CPSF3: variants seen among roughly 807,000 people sequenced by gnomAD.
CPSF3 encodes cleavage and polyadenylation specificity factor subunit 3.
CPSF3 carries 57 observed loss-of-function variants against 84.1 expected under a neutral mutation model. That is an observed-to-expected ratio of 0.68 (90% CI 0.55 to 0.85). The LOEUF (loss-of-function observed/expected upper bound fraction) is 0.85, where lower values mean the gene tolerates loss of function less well. Ranked by LOEUF, CPSF3 falls within the 40% of genes least tolerant of loss-of-function variation. The pLI is 0.00. For missense variants in CPSF3, 522 were observed against 838.8 expected, an observed-to-expected ratio of 0.62 and a Z score of 4.66; for synonymous variants, 275 against 278.1, an observed-to-expected ratio of 0.99 and a Z score of 0.11.
At chr2:9,449,744 A>G (rs1333461241) in intron 11 of CPSF3, among the ~76,000 whole-genome samples, 3 of 152,158 alleles carry the variant, frequency 2.0e-5, no homozygotes, top group Non-Finnish European at 4.4e-5. Context: ...CTTGTCTCAA[A>G]AAAATAAAAA....
chr2:9,466,651 G>A (rs1261548264), intron 15 of CPSF3, among the ~76,000 whole-genome samples: 5 of 152,134 alleles, frequency 3.3e-5, no homozygotes, highest in Non-Finnish European at 7.4e-5. Flanking sequence ...TATCCCTTAC[G>A]TATGATGCCC....
rs543727439 is a variant in CPSF3, at chr2:9,459,638, CTTTTTT to C, written c.1786+43_1786+48del. On this transcript the variant is annotated intron_variant, in intron 15 of 17. Coordinates refer to ENST00000238112, the MANE Select transcript of CPSF3 (RefSeq NM_016207.4). The stretch of plus-strand genomic sequence containing the variant: ...GAAAAGGTAAGAGTTCATTTTTATC[CTTTTTT>C]TTTTTTTTTTTTTTTTTTTTTTGGA... The C allele has an allele frequency of 5.0e-3, 1,536 of 309,366 alleles. No individual in the cohort carries two copies. Among genetic ancestry groups the C allele is most frequent in the South Asian group, 5.3e-3 (204 of 38,198 alleles). 19.2% of individuals were successfully genotyped at this position (309,366 alleles called of 1,614,324 possible).
At chr2:9,462,971 T>C (rs1347351275) in intron 15 of CPSF3, among the ~76,000 whole-genome samples, 1 of 152,210 alleles carries the variant, frequency 6.6e-6, no homozygotes, top group Non-Finnish European at 1.5e-5. Context: ...TCTGGGATGA[T>C]GAAGTGTTTG....
chr2:9,454,106 T>C (rs1158048613), intron 12 of CPSF3, among the ~76,000 whole-genome samples: 1 of 152,098 alleles, frequency 6.6e-6, no homozygotes, highest in African/African-American at 2.4e-5. Context: ...ATGTGCTTTA[T>C]GCAGGAATAA....
intron 14 of CPSF3, among the ~76,000 whole-genome samples, chr2:9,458,933 A>C (rs1457666643): frequency 6.6e-6 from 1 of 152,018 alleles, no homozygotes; most frequent in Non-Finnish European, 1.5e-5. Flanking sequence ...ACCAACATGG[A>C]GAAACCCTGT....
intron 14 of CPSF3, among the ~76,000 whole-genome samples, chr2:9,458,339 G>A (rs1681605302): frequency 1.3e-5 from 2 of 152,190 alleles, no homozygotes; most frequent in South Asian, 2.1e-4. Flanking sequence ...GGGAAACAGA[G>A]GTTGCAGTGA....
At chr2:9,448,787 C>T (rs1572788218) in intron 11 of CPSF3, among the ~76,000 whole-genome samples, 1 of 152,038 alleles carries the variant, frequency 6.6e-6, no homozygotes, top group African/African-American at 2.4e-5. Context: ...GATCTCTTGA[C>T]CACGTGATCC....
At chr2:9,447,369 C>A (rs1397247096) in intron 10 of CPSF3, among the ~76,000 whole-genome samples, 1 of 152,046 alleles carries the variant, frequency 6.6e-6, no homozygotes, top group Non-Finnish European at 1.5e-5. Flanking sequence ...GTCCCAGCTA[C>A]GTGGGAGGCT....
At chr2:9,442,224 G>A (rs1214441286) in intron 9 of CPSF3, among the ~76,000 whole-genome samples, 1 of 152,196 alleles carries the variant, frequency 6.6e-6, no homozygotes, top group Non-Finnish European at 1.5e-5. Flanking sequence ...CTGGTTGCAA[G>A]TAGAGAAGAA....
At chr2:9,451,290 G>C (rs1363582092) in intron 11 of CPSF3, among the ~76,000 whole-genome samples, 3 of 152,112 alleles carry the variant, frequency 2.0e-5, no homozygotes. Flanking sequence ...CAATTAAGGA[G>C]AAAATAACCC....
chr2:9,453,434 G>C lies in CPSF3; in HGVS notation c.1504+413G>C, dbSNP rs145379906. Among the ~76,000 whole-genome samples, 714 of 152,244 alleles carry C rather than the reference G, an allele frequency of 4.7e-3. 2 individuals are homozygous for C. The highest frequency in any genetic ancestry group is 6.8e-3 in the Middle Eastern group (2 of 294). On this transcript the variant is annotated intron_variant, in intron 12 of 17. Transcript: ENST00000238112. ...TTGTATTCCTTCACCATTCCAAAAG[G>C]AGTAGGAACAAAAACTTGTATAATT...
rs1209948147 is a variant in CPSF3 at position 9,456,967 on chromosome 2, T to C, written c.1638T>C (p.Pro546=). 1 of 1,602,708 alleles carries C rather than the reference T, an allele frequency of 6.2e-7. No individual in the cohort carries two copies. The highest frequency in any genetic ancestry group is 1.1e-5 in the South Asian group (1 of 88,776). ...DVEELEIQEK[P]ALKVFKNITV... ...AAGAATTAGAAATTCAAGAAAAACCTGCTCTGAAAGTGTTCAAAAATATTA... is the reference window on the plus strand; with the variant it reads ...AAGAATTAGAAATTCAAGAAAAACCCGCTCTGAAAGTGTTCAAAAATATTA... Residue 546 remains proline (P), a synonymous_variant, in exon 14 of 18, where the codon CCT becomes CCC. Coordinates refer to ENST00000238112, the MANE Select transcript of CPSF3 (RefSeq NM_016207.4).
intron 16 of CPSF3, among the ~76,000 whole-genome samples, chr2:9,470,952 G>A (rs1466750136): frequency 6.6e-6 from 1 of 152,262 alleles, no homozygotes; most frequent in African/African-American, 2.4e-5. Flanking sequence ...GGTGACTCCT[G>A]CCTGTAATCC....
chr2:9,437,332 A>C (rs971391452), intron 7 of CPSF3, among the ~76,000 whole-genome samples: 5 of 152,054 alleles, frequency 3.3e-5, no homozygotes, highest in Non-Finnish European at 7.4e-5. Flanking sequence ...TGAGCCTGGG[A>C]GGCAGAGGTT....
At position 9,423,813 on chromosome 2, in the gene CPSF3, A is replaced by T. The variant is rs757879500; in HGVS notation, c.40A>T (p.Ile14Phe). ...TGCTGAGGAGAGCGACCAGCTGCTG[A>T]TCCGACCCCTGTAAGGGACCAGCGA... The part of the protein sequence containing the change: ...IPAEESDQLL[I>F]RPLGAGQEVG... Residue 14 changes from isoleucine to phenylalanine, a missense_variant, in exon 1 of 18, where the codon ATC becomes TTC. This residue lies in a region of CPSF3 where 329 missense variants were observed against 607.2 expected (regional missense o/e 0.54). Coordinates refer to ENST00000238112, the MANE Select transcript of CPSF3 (RefSeq NM_016207.4). 1.2e-6 allele frequency: 2 copies of T among 1,613,196 alleles called. No homozygotes were observed. The highest frequency in any genetic ancestry group is 3.3e-5 in the Admixed American group (2 of 59,926).
intron 7 of CPSF3, among the ~76,000 whole-genome samples, chr2:9,440,041 G>A (rs546685067): frequency 6.6e-6 from 1 of 151,986 alleles, no homozygotes; most frequent in African/African-American, 2.4e-5. Flanking sequence ...TTCAAAATCG[G>A]TTAACTCTTG....
chr2:9,435,391 A>G (rs1189024154), intron 6 of CPSF3, among the ~76,000 whole-genome samples: 4 of 151,842 alleles, frequency 2.6e-5, no homozygotes, highest in East Asian at 3.9e-4. Flanking sequence ...GGACTATTTC[A>G]TTTTATAAAA....
chr2:9,432,769 A>T, intron 5 of CPSF3, 81 bp downstream of exon 5: 2 of 1,115,368 alleles, frequency 1.8e-6, no homozygotes, highest in Non-Finnish European at 2.4e-6. Flanking sequence ...AAAAAAAAAA[A>T]TTCCCTAAGA....
intron 15 of CPSF3, among the ~76,000 whole-genome samples, chr2:9,466,996 A>G (rs1368811787): frequency 6.6e-6 from 1 of 152,132 alleles, no homozygotes; most frequent in Non-Finnish European, 1.5e-5. Flanking sequence ...CTGCAGACAT[A>G]TGTTTTCATT....
Sources: allele counts gnomAD v4.1 joint callset (sites outside exome capture counted in the v4.1 genomes callset), GRCh38; gene constraint gnomAD v4.1.1; regional missense constraint gnomAD v4.1.1; transcripts MANE v1.5; gene names NCBI Gene and HGNC (gene_info 2026-07-23, HGNC 2026-07-21).